Variants in OSBP2 observed in about 807,000 individuals in gnomAD.
OSBP2 encodes oxysterol-binding protein 2.
In OSBP2, 66 loss-of-function variants were observed where a neutral mutation model predicts 96.0. That is an observed-to-expected ratio of 0.69 (90% confidence interval 0.56 to 0.84). OSBP2 has a LOEUF of 0.84. Among genes scored for constraint, OSBP2 ranks in the 40% least tolerant of loss-of-function variants. OSBP2 has a pLI of 0.00. For synonymous variants in OSBP2, 525 were observed against 520.9 expected (o/e 1.01, Z -0.11); for missense variants, 1,038 against 1,222.7 (o/e 0.85, Z 2.25).
At chr22:30,757,418 C>T (rs1281461613) in intron 2 of OSBP2, among the ~76,000 whole-genome samples, 1 of 151,846 alleles carries the variant, frequency 6.6e-6, no homozygotes, top group Non-Finnish European at 1.5e-5. Context: ...TTTTCTTTTT[C>T]CTTTTCTTTT....
intron 1 of OSBP2, among the ~76,000 whole-genome samples, chr22:30,710,764 C>G (rs1308740338): frequency 6.6e-6 from 1 of 152,192 alleles, no homozygotes; most frequent in Non-Finnish European, 1.5e-5. Flanking sequence ...GCATGTGCCA[C>G]CACGCCAGGC....
At chr22:30,726,505 G>A (rs910939897) in intron 1 of OSBP2, among the ~76,000 whole-genome samples, 6 of 152,080 alleles carry the variant, frequency 3.9e-5, no homozygotes, top group Non-Finnish European at 7.4e-5. Flanking sequence ...GAGAGGGAGA[G>A]CATTAGGACA....
At chr22:30,829,040 A>G (rs1182860168) in intron 2 of OSBP2, among the ~76,000 whole-genome samples, 2 of 152,080 alleles carry the variant, frequency 1.3e-5, no homozygotes, top group Non-Finnish European at 2.9e-5. Flanking sequence ...ATGCCCAGTG[A>G]CAGTGAGGAA....
chr22:30,886,005 T>G (rs1218781972), intron 3 of OSBP2, among the ~76,000 whole-genome samples: 3 of 152,246 alleles, frequency 2.0e-5, no homozygotes, highest in Non-Finnish European at 4.4e-5. Context: ...GGCAGCTAGA[T>G]GGCCCCCAGG....
Position 30,710,615 on chromosome 22 carries a change from G to C in OSBP2, c.644+15062G>C, listed in dbSNP as rs2089331466. Among the ~76,000 whole-genome samples the C allele has an allele frequency of 2.7e-5, 4 of 147,782 alleles. No homozygotes were observed. In the South Asian group the frequency reaches 8.7e-4, roughly 32 times the overall value. Reference sequence around the variant, plus strand: ...TTATACTTGTCTTTTTTTTTTTTTAGTGTGTATTTTTTTGAGACAGGGTCT... The same window carrying C: ...TTATACTTGTCTTTTTTTTTTTTTACTGTGTATTTTTTTGAGACAGGGTCT... On this transcript the variant is annotated intron_variant, in intron 1 of 13. Coordinates refer to ENST00000332585, the MANE Select transcript of OSBP2 (RefSeq NM_030758.4).
Position 30,853,157 on chromosome 22 carries a change from A to C in OSBP2, c.854-17272A>C, listed in dbSNP as rs190971445. The stretch of plus-strand genomic sequence containing the variant: ...GTTGATAAAGGAGACTTGAAGATTG[A>C]TGTGTTCTAAATCCATACTAGTTTT... On this transcript the variant is annotated intron_variant, in intron 2 of 13. Coordinates refer to ENST00000332585, the MANE Select transcript of OSBP2 (RefSeq NM_030758.4). 2.0e-5 allele frequency among the ~76,000 whole-genome samples: 3 copies of C among 152,272 alleles called. No homozygotes were observed. In the East Asian group the frequency reaches 5.8e-4, roughly 29 times the overall value.
chr22:30,845,934 C>T (rs902789137), intron 2 of OSBP2, among the ~76,000 whole-genome samples: 2 of 151,174 alleles, frequency 1.3e-5, no homozygotes, highest in East Asian at 1.9e-4. Flanking sequence ...AGAGGTATGC[C>T]TGTATACTGC....
At chr22:30,806,741 A>G (rs910797199) in intron 2 of OSBP2, among the ~76,000 whole-genome samples, 2 of 152,112 alleles carry the variant, frequency 1.3e-5, no homozygotes, top group African/African-American at 2.4e-5. Flanking sequence ...GCCCAAGTCC[A>G]GGGACCTCCA....
Position 30,695,546 on chromosome 22 carries a change from T to G in OSBP2, c.637T>G (p.Tyr213Asp). 6.2e-7 allele frequency: 1 copy of G among 1,606,758 alleles called. No individual in the cohort carries two copies. Among genetic ancestry groups the G allele is most frequent in the East Asian group, 2.2e-5 (1 of 44,838 alleles). ...WFVLGNGLLSYYRNQGEMAHT... is the reference protein window; with the variant it reads ...WFVLGNGLLSDYRNQGEMAHT... ...CGTGCTGGGCAATGGTTTGCTCTCT[T>G]ACTACAGGTATGGAAGCGCCAGGGT... The change falls in exon 1 of 14, where the codon TAC (tyrosine) becomes GAC (aspartate). Residue 213 changes from tyrosine to aspartate, a missense_variant. Physicochemically the swap from Tyr to Asp is radical, Grantham distance 160 (BLOSUM62 -3). Transcript: ENST00000332585.
Position 30,721,972 on chromosome 22 carries a change from T to C in OSBP2, c.645-19189T>C, listed in dbSNP as rs1231648813. ...CTGGGTTGCAGGAATATCCTATAGA[T>C]TGTGGCTGCAGCTACCGAGATTGTG... On this transcript the variant is annotated intron_variant, in intron 1 of 13. Transcript: ENST00000332585. 3.3e-5 allele frequency among the ~76,000 whole-genome samples: 5 copies of C among 152,284 alleles called. No individual in the cohort carries two copies. In the South Asian group the frequency reaches 8.3e-4, roughly 25 times the overall value.
intron 2 of OSBP2, among the ~76,000 whole-genome samples, chr22:30,778,796 A>G (rs136310): frequency 0.47 from 70,833 of 151,644 alleles, 18,604 homozygotes; most frequent in African/African-American, 0.73. Context: ...AACACTTTGG[A>G]AGGCTGAGGC....
At chr22:30,850,318 A>AG (rs1304292253) in intron 2 of OSBP2, among the ~76,000 whole-genome samples, 4 of 151,790 alleles carry the variant, frequency 2.6e-5, no homozygotes, top group Non-Finnish European at 4.4e-5. Context: ...AAAAAAAAAA[A>AG]AAAAATTCAG....
At chr22:30,877,842 A>G (rs1205855219) in intron 3 of OSBP2, among the ~76,000 whole-genome samples, 1 of 152,220 alleles carries the variant, frequency 6.6e-6, no homozygotes, top group African/African-American at 2.4e-5. Context: ...GGCCTAGGAC[A>G]TGGTCCTTCT....
chr22:30,890,910 G>A lies in OSBP2; in HGVS notation c.1806G>A (p.Met602Ile), dbSNP rs769786455. The change falls in exon 8 of 14, where the codon ATG becomes ATA. Residue 602 changes from methionine to isoleucine, a missense_variant. Around this residue, in one of 3 missense-constraint regions of OSBP2, gnomAD observed 737 missense variants for 913.3 expected, o/e 0.81. Coordinates refer to ENST00000332585, the MANE Select transcript of OSBP2 (RefSeq NM_030758.4). The surrounding 1 kb of genome is among the most constrained non-coding windows in gnomAD (Gnocchi z 4.4). ...GCATCGCCAAGCCCTTCAACCCCAT[G>A]CTGGGGGAGACCTTCGAGCTGGACC... The part of the protein sequence containing the change: ...VHRIAKPFNP[M>I]LGETFELDRL... The A allele has an allele frequency of 1.2e-6, 2 of 1,613,138 alleles. No homozygotes were observed.
At chr22:30,732,522 C>T (rs1428393260) in intron 1 of OSBP2, among the ~76,000 whole-genome samples, 5 of 152,092 alleles carry the variant, frequency 3.3e-5, no homozygotes, top group Non-Finnish European at 7.4e-5. Flanking sequence ...GCATGAGGAG[C>T]CGTAGGTGGC....
intron 2 of OSBP2, among the ~76,000 whole-genome samples, chr22:30,762,184 T>C (rs185239672): frequency 6.6e-6 from 1 of 152,078 alleles, no homozygotes; most frequent in East Asian, 1.9e-4. Flanking sequence ...ATTACACTAC[T>C]GCACTCCAGC....
rs136291 is a variant in OSBP2, at chr22:30,794,262, A to ATT, written c.853+52909_853+52910dup. On this transcript the variant is annotated intron_variant, in intron 2 of 13. Transcript: ENST00000332585. Reference sequence around the variant, plus strand: ...TATCTTATTCTCTCCTCCTCTATTCATTTTTTTTTTTTTTTTTGAGACGGA... The same window carrying ATT: ...TATCTTATTCTCTCCTCCTCTATTCATTTTTTTTTTTTTTTTTTTGAGACGGA... Among the ~76,000 whole-genome samples, 276 of 134,896 alleles carry ATT rather than the reference A, an allele frequency of 2.0e-3. 3 individuals carry two copies. Among genetic ancestry groups the ATT allele is most frequent in the Non-Finnish European group, 2.4e-3 (152 of 63,080 alleles). 88.5% of individuals were successfully genotyped at this position (134,896 alleles called of 152,430 possible).
At chr22:30,857,166 TCTAAGCGATGGGGGTGACTGCCCCCA>T (rs1443985207) in intron 2 of OSBP2, among the ~76,000 whole-genome samples, 4 of 152,150 alleles carry the variant, frequency 2.6e-5, no homozygotes, top group African/African-American at 9.7e-5. Flanking sequence ...GCAGGGACCC[TCTAAGCGATGGGGGTGACTGCCCCCA>T]CTCAGTCCAG....
At chr22:30,817,931 G>T (rs768051949) in intron 2 of OSBP2, among the ~76,000 whole-genome samples, 1 of 152,052 alleles carries the variant, frequency 6.6e-6, no homozygotes, top group African/African-American at 2.4e-5. Context: ...TTGAGACAGG[G>T]TCACCCAGGC....
Sources: gnomAD v4.1 joint callset for allele counts (sites outside exome capture counted in the v4.1 genomes callset) on GRCh38, gnomAD v4.1.1 for gene constraint, gnomAD v4.1.1 regional missense constraint, Gnocchi (gnomAD v3.1) non-coding constraint, MANE v1.5 for transcripts, NCBI Gene and HGNC (gene_info 2026-07-23, HGNC 2026-07-21) for gene names.